HSPA12A: variants seen among roughly 807,000 people sequenced by gnomAD.
The protein encoded by HSPA12A is heat shock protein family A (Hsp70) member 12A.
A neutral mutation model predicts 69.2 loss-of-function variants in HSPA12A; 28 were observed. The ratio of observed to expected loss-of-function variants is 0.40; its 90% CI spans 0.30 to 0.55. The LOEUF (loss-of-function observed/expected upper bound fraction) is 0.55. Among genes scored for constraint, HSPA12A ranks in the 20% least tolerant of loss-of-function variants. The pLI is 0.38. For missense variants in HSPA12A, 686 were observed against 900.7 expected (o/e 0.76, Z 3.05); for synonymous variants, 345 against 370.5 (o/e 0.93, Z 0.79).
At chr10:116,842,084 A>T (rs1845811139) in intron 1 of HSPA12A, among the ~76,000 whole-genome samples, 1 of 152,240 alleles carries the variant, frequency 6.6e-6, no homozygotes. Context: ...AATAACAAAC[A>T]GATAATTCCT....
chr10:116,758,182 C>T (rs1281854751), intron 2 of HSPA12A, among the ~76,000 whole-genome samples: 3 of 152,160 alleles, frequency 2.0e-5, no homozygotes, highest in Admixed American at 6.5e-5. Context: ...TAACAGCCTT[C>T]AGCGAAGGTA....
Position 116,701,071 on chromosome 10 carries a change from G to A in HSPA12A, c.313C>T (p.Leu105=). Residue 105 remains leucine, a synonymous_variant, in exon 4 of 12, where the codon CTG becomes TTG. Transcript: ENST00000369209. ...SNQKTPTTIL[L]TPERKFHSFG... ...CTGTGGAACTTCCTCTCGGGAGTCA[G>A]CAAGATGGTGGTTGGAGTCTTCTGA... 1 of 1,614,198 alleles carries A rather than the reference G, an allele frequency of 6.2e-7. No individual in the cohort carries two copies. The highest frequency in any genetic ancestry group is 8.5e-7 in the Non-Finnish European group (1 of 1,180,044).
chr10:116,742,590 T>C (rs1425779370), upstream of HSPA12A: 4 of 1,119,646 alleles, frequency 3.6e-6, no homozygotes, highest in African/African-American at 1.7e-5. Context: ...GCGGGAGCGC[T>C]GCTCTGACGC....
intron 2 of HSPA12A, among the ~76,000 whole-genome samples, chr10:116,758,357 A>G (rs559705837): frequency 6.6e-6 from 1 of 152,166 alleles, no homozygotes; most frequent in Non-Finnish European, 1.5e-5. Context: ...TTTATGAATC[A>G]CCTACTATGT....
At chr10:116,837,883 T>G (rs1845743775) in intron 1 of HSPA12A, among the ~76,000 whole-genome samples, 1 of 152,200 alleles carries the variant, frequency 6.6e-6, no homozygotes, top group Admixed American at 6.5e-5. Flanking sequence ...AGAATTATGT[T>G]GATAGCCTTT....
chr10:116,752,037 T>C lies in HSPA12A; in HGVS notation c.92-44752A>G, dbSNP rs184156877. On this transcript the variant is annotated intron_variant, in intron 2 of 12. Transcript: ENST00000635765. ...TCACCTAGTCTCAGCTATTTCTTTA[T>C]AGCAACACAAAAATGGACCGACACG... Among the ~76,000 whole-genome samples the C allele has an allele frequency of 1.1e-4, 17 of 152,360 alleles. No homozygotes were observed. In the East Asian group the frequency reaches 2.3e-3, roughly 21 times the overall value.
At chr10:116,684,279 G>A (rs1489395256) in intron 6 of HSPA12A, among the ~76,000 whole-genome samples, 6 of 152,132 alleles carry the variant, frequency 3.9e-5, no homozygotes, top group African/African-American at 1.4e-4. Context: ...GGGGAGGAGC[G>A]GGGGGATTCC....
intron 2 of HSPA12A, among the ~76,000 whole-genome samples, chr10:116,789,793 G>C (rs1844662154): frequency 6.6e-6 from 1 of 152,150 alleles, no homozygotes; most frequent in South Asian, 2.1e-4. Flanking sequence ...TCTGCTTCTA[G>C]GTGAGGAGGG....
intron 2 of HSPA12A, among the ~76,000 whole-genome samples, chr10:116,803,208 G>A (rs1394049312): frequency 6.6e-6 from 1 of 152,262 alleles, no homozygotes; most frequent in Non-Finnish European, 1.5e-5. Context: ...AGGTACACTC[G>A]AGGCAGGGGA....
At chr10:116,779,752 T>C (rs1844421573) in intron 2 of HSPA12A, among the ~76,000 whole-genome samples, 1 of 152,052 alleles carries the variant, frequency 6.6e-6, no homozygotes, top group South Asian at 2.1e-4. Context: ...GCTGGGCATG[T>C]TGGGGAATGG....
At chr10:116,795,422 T>C (rs1245992009) in intron 2 of HSPA12A, among the ~76,000 whole-genome samples, 1 of 152,024 alleles carries the variant, frequency 6.6e-6, no homozygotes, top group African/African-American at 2.4e-5. Flanking sequence ...CTCATGCCTG[T>C]AATCCCAGCT....
At chr10:116,779,590 A>G (rs1844418046) in intron 2 of HSPA12A, among the ~76,000 whole-genome samples, 1 of 152,174 alleles carries the variant, frequency 6.6e-6, no homozygotes, top group Non-Finnish European at 1.5e-5. Flanking sequence ...CTACTCTGTC[A>G]GCCCCAGGCC....
rs185471514 is a variant in HSPA12A at position 116,796,851 on chromosome 10, G to A, written c.91+38084C>T. Reference sequence around the variant, plus strand: ...TGATTTGACAAGAGTGATATCTTCAGGTTCTTCACATCAGAAAAATTTGCA... The same window carrying A: ...TGATTTGACAAGAGTGATATCTTCAAGTTCTTCACATCAGAAAAATTTGCA... On this transcript the variant is annotated intron_variant, in intron 2 of 12. Transcript: ENST00000635765. Among the ~76,000 whole-genome samples the A allele has an allele frequency of 2.8e-4, 42 of 151,860 alleles. 1 individual carries two copies. The East Asian group carries it at 4.9e-3, about 18-fold the overall frequency.
intron 2 of HSPA12A, chr10:116,833,353 A>G (rs764070901): frequency 6.6e-6 from 1 of 152,224 alleles, no homozygotes; most frequent in Non-Finnish European, 1.5e-5. Context: ...TTTGTGTGGT[A>G]GCTGCTGCAG....
At chr10:116,836,957 C>A (rs555981465) in intron 1 of HSPA12A, among the ~76,000 whole-genome samples, 1 of 152,178 alleles carries the variant, frequency 6.6e-6, no homozygotes, top group Admixed American at 6.5e-5. Flanking sequence ...TTTCTCCTTA[C>A]AGAAGTATAC....
intron 2 of HSPA12A, chr10:116,830,864 A>AT (rs1845600968): frequency 6.6e-6 from 1 of 152,466 alleles, no homozygotes; most frequent in African/African-American, 2.4e-5. Context: ...ATATATATAT[A>AT]AAGAGCAAGA....
At chr10:116,823,960 G>A (rs960268990) in intron 2 of HSPA12A, among the ~76,000 whole-genome samples, 4 of 152,066 alleles carry the variant, frequency 2.6e-5, no homozygotes, top group African/African-American at 9.7e-5. Context: ...TCAAGAAGGT[G>A]AAAAGGCAAC....
At chr10:116,754,622 G>T (rs561775820) in intron 2 of HSPA12A, among the ~76,000 whole-genome samples, 2 of 152,118 alleles carry the variant, frequency 1.3e-5, no homozygotes, top group South Asian at 4.2e-4. Context: ...CAGAGTCCAA[G>T]AACTAAATAC....
intron 10 of HSPA12A, among the ~76,000 whole-genome samples, chr10:116,677,514 G>A (rs1297463273): frequency 6.6e-6 from 1 of 152,214 alleles, no homozygotes; most frequent in African/African-American, 2.4e-5. Context: ...AACTGTGCAG[G>A]TAGGTCTTGG....
Sources: allele counts gnomAD v4.1 joint callset (sites outside exome capture counted in the v4.1 genomes callset), GRCh38; gene constraint gnomAD v4.1.1; transcripts MANE v1.5; gene names NCBI Gene and HGNC (gene_info 2026-07-23, HGNC 2026-07-21).